ADGRE1: variants seen among roughly 807,000 people sequenced by gnomAD.
The protein encoded by ADGRE1 is EGF-like module receptor 1.
In ADGRE1, 82 loss-of-function variants were observed where a neutral mutation model predicts 102.7. That is an observed-to-expected ratio of 0.80 (90% CI 0.67 to 0.96). The LOEUF is 0.96. Ranked by LOEUF, ADGRE1 falls within the 40% of genes least tolerant of loss-of-function variation. ADGRE1 has a pLI of 0.00. For synonymous variants in ADGRE1, 398 were observed against 399.6 expected, an observed-to-expected ratio of 1.00 and a Z score of 0.05; for missense variants, 1,032 against 1,085.3, an observed-to-expected ratio of 0.95 and a Z score of 0.69.
chr19:6,933,119 G>A (rs186060187), intron 17 of ADGRE1, among the ~76,000 whole-genome samples: 127 of 152,252 alleles, frequency 8.3e-4, no homozygotes, highest in African/African-American at 2.9e-3. Flanking sequence ...TACTCAGGAG[G>A]CTGAGGCAGG....
intron 10 of ADGRE1, among the ~76,000 whole-genome samples, chr19:6,911,217 C>T (rs990754832): frequency 9.9e-5 from 15 of 151,964 alleles, no homozygotes; most frequent in African/African-American, 2.9e-4. Flanking sequence ...TCAAATGTCC[C>T]GCTTACCCCG....
At chr19:6,911,999 A>C (rs965894475) in intron 10 of ADGRE1, among the ~76,000 whole-genome samples, 1 of 151,950 alleles carries the variant, frequency 6.6e-6, no homozygotes, top group Non-Finnish European at 1.5e-5. Flanking sequence ...ATACACACAT[A>C]CACATCCACA....
At chr19:6,890,632 AG>A in intron 2 of ADGRE1, 89 bp downstream of exon 2, 1 of 1,399,892 alleles carries the variant, frequency 7.1e-7, no homozygotes, top group Non-Finnish European at 9.9e-7. Context: ...AGCCTCATCC[AG>A]ATGCTTGCTG....
At chr19:6,933,036 C>A (rs367778429) in intron 17 of ADGRE1, among the ~76,000 whole-genome samples, 72 of 152,240 alleles carry the variant, frequency 4.7e-4, no homozygotes, top group African/African-American at 1.5e-3. Context: ...GCCCGGCCAA[C>A]ATGGTGAAAC....
chr19:6,894,356 A>G (rs1973477752), intron 2 of ADGRE1, among the ~76,000 whole-genome samples: 1 of 152,056 alleles, frequency 6.6e-6, no homozygotes, highest in Non-Finnish European at 1.5e-5. Flanking sequence ...TGAAGGAGCA[A>G]CTCACTGAAA....
intron 2 of ADGRE1, chr19:6,895,307 G>T (rs1442497985): frequency 1.3e-5 from 2 of 152,252 alleles, no homozygotes; most frequent in African/African-American, 4.8e-5. Flanking sequence ...TCACCAGGTG[G>T]CCACAGCTAG....
chr19:6,905,290 G>A (rs1973912854), intron 8 of ADGRE1, among the ~76,000 whole-genome samples: 1 of 152,062 alleles, frequency 6.6e-6, no homozygotes, highest in African/African-American at 2.4e-5. Context: ...TGAGGCTGCA[G>A]TGAGCTGTGC....
intron 12 of ADGRE1, among the ~76,000 whole-genome samples, chr19:6,919,135 C>T (rs369334868): frequency 1.6e-3 from 250 of 152,220 alleles, no homozygotes; most frequent in African/African-American, 5.8e-3. Flanking sequence ...CGGGTTCAAG[C>T]GATTCCCCTG....
In ADGRE1 at chr19:6,937,687, G is replaced by C. The variant is rs201574883; in HGVS notation, c.2655+39G>C. On this transcript the variant is annotated intron_variant, in intron 20 of 20. Transcript: ENST00000312053. ...TGCTCCCTGCAGGTGCTGGTCGAGGGAGGTGCCGGCCTCTTGGTGACACTC... is the reference window on the plus strand; with the variant it reads ...TGCTCCCTGCAGGTGCTGGTCGAGGCAGGTGCCGGCCTCTTGGTGACACTC... The C allele has an allele frequency of 7.4e-5, 119 of 1,597,796 alleles. 2 individuals are homozygous for C. The East Asian group carries it at 2.5e-3, about 34-fold the overall frequency.
chr19:6,907,130 T>G (rs990354937), intron 9 of ADGRE1, among the ~76,000 whole-genome samples: 4 of 152,158 alleles, frequency 2.6e-5, no homozygotes, highest in African/African-American at 7.2e-5. Context: ...CTCCATGACC[T>G]CTTTAGAAAT....
intron 10 of ADGRE1, 41 bp from the exon 11 acceptor site, chr19:6,913,610 TGA>T (rs754961038): frequency 5.2e-3 from 7,369 of 1,410,502 alleles, no homozygotes; most frequent in South Asian, 0.012. Context: ...ATTTCATTAA[TGA>T]GAGAGAGAGA....
chr19:6,928,382 T>G, intron 17 of ADGRE1, 171 bp downstream of exon 17: 2 of 1,455,442 alleles, frequency 1.4e-6, no homozygotes, highest in Non-Finnish European at 1.8e-6. Flanking sequence ...TCCCAGCACT[T>G]TGGGAGGCTG....
At position 6,896,399 on chromosome 19, in the gene ADGRE1, T is replaced by C. The variant is rs1973551798; in HGVS notation, c.96T>C (p.Gly32=). Residue 32 remains glycine (G), a splice_region_variant and synonymous_variant, in exon 3 of 21, where the codon GGT becomes GGC. Transcript: ENST00000312053. ...IRPTRKPNTK[G]NNCRDSTLCP... ...AACTTTTCTTTATACACTGCCTAGG[T>C]AATAACTGTAGAGACAGTACCTTGT... The C allele has an allele frequency of 1.2e-6, 2 of 1,613,850 alleles. No individual in the cohort carries two copies. The highest frequency in any genetic ancestry group is 1.7e-6 in the Non-Finnish European group (2 of 1,179,794).
chr19:6,897,284 CGGGCA>C lies in ADGRE1; in HGVS notation c.375_379del (p.Gly126PhefsTer5), dbSNP rs1331528689. 1.2e-6 allele frequency: 2 copies of C among 1,613,734 alleles called. No individual in the cohort carries two copies. Among genetic ancestry groups the C allele is most frequent in the African/African-American group, 2.7e-5 (2 of 74,902 alleles). ...GGAAATGACTGGGTCCCAGGAAAGC[CGGGCA>C]ATTTCTCCTGTACTGGTAATGCTCT... On this transcript the variant is annotated frameshift_variant, in exon 4 of 21. Transcript: ENST00000312053. LOFTEE classifies it high-confidence loss of function.
intron 8 of ADGRE1, among the ~76,000 whole-genome samples, chr19:6,904,424 C>A (rs2546139): frequency 0.37 from 56,089 of 151,722 alleles, 12,186 homozygotes; most frequent in African/African-American, 0.6. Context: ...CATAGGCATG[C>A]TTCTTGTCCT....
At chr19:6,918,066 G>T (rs1195623789) in intron 12 of ADGRE1, among the ~76,000 whole-genome samples, 1 of 152,152 alleles carries the variant, frequency 6.6e-6, no homozygotes, top group East Asian at 1.9e-4. Flanking sequence ...AATCTGTTTT[G>T]CGGGGAGAAG....
chr19:6,938,802 T>C, intron 20 of ADGRE1, among the ~76,000 whole-genome samples: 1 of 88,844 alleles, frequency 1.1e-5, no homozygotes, highest in South Asian at 2.7e-4. Flanking sequence ...TCTTTTTTTC[T>C]TTTTTTTTTT....
intron 2 of ADGRE1, among the ~76,000 whole-genome samples, chr19:6,890,963 T>C (rs1021242042): frequency 6.6e-6 from 1 of 152,196 alleles, no homozygotes; most frequent in Non-Finnish European, 1.5e-5. Flanking sequence ...TGTTAAATAC[T>C]CTCATCTACA....
chr19:6,888,212 T>C (rs191249796), intron 1 of ADGRE1, among the ~76,000 whole-genome samples: 7 of 152,322 alleles, frequency 4.6e-5, no homozygotes, highest in Non-Finnish European at 8.8e-5. Flanking sequence ...TCCACTATAC[T>C]ATGTTGCCCC....
Sources: allele counts gnomAD v4.1 joint callset (sites outside exome capture counted in the v4.1 genomes callset), GRCh38; gene constraint gnomAD v4.1.1; transcripts MANE v1.5; gene names NCBI Gene and HGNC (gene_info 2026-07-23, HGNC 2026-07-21).